The following CMSS1 variants were observed in gnomAD, a reference collection of about 807,000 sequenced individuals.
CMSS1 encodes protein CMSS1.
In CMSS1, 33 loss-of-function variants were observed where a neutral mutation model predicts 43.5. The ratio of observed to expected loss-of-function variants is 0.76; its 90% CI spans 0.57 to 1.01. The LOEUF (loss-of-function observed/expected upper bound fraction) is 1.01. CMSS1 is among the 50% of genes least tolerant of loss of function. The pLI, the probability that CMSS1 is intolerant of heterozygous loss-of-function variation, is 0.00. For synonymous variants in CMSS1, 115 were observed against 117.2 expected, an observed-to-expected ratio of 0.98 and a Z score of 0.12; for missense variants, 313 against 326.4, an observed-to-expected ratio of 0.96 and a Z score of 0.32.
At chr3:99,920,926 G>A (rs1025968347) in intron 1 of CMSS1, among the ~76,000 whole-genome samples, 1 of 152,136 alleles carries the variant, frequency 6.6e-6, no homozygotes, top group African/African-American at 2.4e-5. Context: ...CACTTAGAAT[G>A]TGAGCAGTAA....
At chr3:99,974,894 C>A (rs971124601) in intron 1 of CMSS1, among the ~76,000 whole-genome samples, 1 of 152,142 alleles carries the variant, frequency 6.6e-6, no homozygotes, top group Admixed American at 6.6e-5. Flanking sequence ...GTTTGCCATA[C>A]CAGGTGGATT....
At position 99,929,822 on chromosome 3, in the gene CMSS1, CCT is replaced by C. The variant is rs1360190263; in HGVS notation, c.64+111781_64+111782del. On this transcript the variant is annotated intron_variant, in intron 1 of 9. Coordinates refer to ENST00000421999, the MANE Select transcript of CMSS1 (RefSeq NM_032359.4). Reference sequence around the variant, plus strand: ...CATCTGCAGGGCTAGTGCTTGGCTGCCTCCCAGGTACACACCCCTATTGTGGT... The same window carrying C: ...CATCTGCAGGGCTAGTGCTTGGCTGCCCCAGGTACACACCCCTATTGTGGT... 9 of 1,526,252 alleles carry C rather than the reference CCT, an allele frequency of 5.9e-6. No homozygotes were observed. The African/African-American group carries it at 1.3e-4, about 21-fold the overall frequency. The allele number at this position is 1,526,252 out of a possible 1,614,324, so 94.5% of individuals were successfully genotyped here. A position where few individuals can be genotyped will look rare whatever the true frequency, so the allele number is the denominator to read the frequency against.
chr3:100,034,492 C>G lies in CMSS1; in HGVS notation c.65-112481C>G, dbSNP rs187450474. On this transcript the variant is annotated intron_variant, in intron 1 of 9. Coordinates refer to ENST00000421999, the MANE Select transcript of CMSS1 (RefSeq NM_032359.4). ...AACATTGGTTAAAAGGTAGCCACTT[C>G]GTTCCAGTAATCCAAAAGGTTCTTT... 8.5e-5 allele frequency among the ~76,000 whole-genome samples: 13 copies of G among 152,320 alleles called. No homozygotes were observed. In the East Asian group the frequency reaches 2.5e-3, roughly 29 times the overall value.
At position 99,931,006 on chromosome 3, in the gene CMSS1, G is replaced by T. The variant is rs1707465379; in HGVS notation, c.64+112963G>T. On this transcript the variant is annotated intron_variant, in intron 1 of 9. Transcript: ENST00000421999. ...TTTGGGCTGAGCCCTCGGTATCACT[G>T]CCTCTGGAACGCATTCTTTAAAGCC... 3.7e-6 allele frequency: 6 copies of T among 1,613,662 alleles called. No homozygotes were observed. The East Asian group carries it at 6.7e-5, about 18-fold the overall frequency.
intron 1 of CMSS1, among the ~76,000 whole-genome samples, chr3:100,096,182 C>T (rs2066204189): frequency 6.6e-6 from 1 of 152,096 alleles, no homozygotes; most frequent in African/African-American, 2.4e-5. Context: ...TTGGTACAAC[C>T]ACTGTGGACA....
chr3:100,014,891 C>CTTTTTT (rs1710284139), intron 1 of CMSS1, among the ~76,000 whole-genome samples: 2 of 27,224 alleles, frequency 7.3e-5, no homozygotes, highest in Non-Finnish European at 6.9e-5. Flanking sequence ...TTTTTTCTTT[C>CTTTTTT]TTTCTTTTTT....
chr3:99,953,807 C>T (rs1248642394), intron 1 of CMSS1, among the ~76,000 whole-genome samples: 1 of 152,172 alleles, frequency 6.6e-6, no homozygotes, highest in African/African-American at 2.4e-5. Flanking sequence ...AATTAGCTAG[C>T]TTATTCAGTT....
intron 2 of CMSS1, among the ~76,000 whole-genome samples, chr3:100,150,481 G>T (rs1206362822): frequency 6.6e-6 from 1 of 152,056 alleles, no homozygotes; most frequent in Admixed American, 6.6e-5. Context: ...ATACATTTAG[G>T]CTTTAATATC....
chr3:100,162,614 C>T (rs1315848216), intron 4 of CMSS1, among the ~76,000 whole-genome samples, 182 bp downstream of exon 4: 1 of 151,918 alleles, frequency 6.6e-6, no homozygotes, highest in Non-Finnish European at 1.5e-5. Flanking sequence ...TTGAAACCAG[C>T]CTGGGCGATA....
chr3:100,108,426 A>T (rs752989348), intron 1 of CMSS1, among the ~76,000 whole-genome samples: 2 of 152,150 alleles, frequency 1.3e-5, no homozygotes. Context: ...TCTGCATTTT[A>T]TGGCTGAGGA....
At chr3:99,821,037 T>A (rs529876477) in intron 1 of CMSS1, among the ~76,000 whole-genome samples, 2 of 152,250 alleles carry the variant, frequency 1.3e-5, no homozygotes, top group Non-Finnish European at 2.9e-5. Context: ...TGGTTGTACA[T>A]GGTTTATAAC....
chr3:99,930,022 TC>T (rs762286588), intron 1 of CMSS1: 11 of 1,605,476 alleles, frequency 6.9e-6, no homozygotes, highest in Admixed American at 1.7e-5. Context: ...TATGACCTCA[TC>T]TCGAGCCTGT....
chr3:99,889,617 C>T (rs1397165990), intron 1 of CMSS1, among the ~76,000 whole-genome samples: 1 of 151,458 alleles, frequency 6.6e-6, no homozygotes. Flanking sequence ...CCATTTGTAC[C>T]ACCTTTTTGT....
chr3:99,987,920 G>C (rs1709392971), intron 1 of CMSS1, among the ~76,000 whole-genome samples: 1 of 152,166 alleles, frequency 6.6e-6, no homozygotes, highest in African/African-American at 2.4e-5. Context: ...CTCTCATCCT[G>C]TTGGATTCTT....
chr3:99,893,044 C>G (rs1341215521), intron 1 of CMSS1, among the ~76,000 whole-genome samples: 8 of 151,988 alleles, frequency 5.3e-5, no homozygotes, highest in Non-Finnish European at 1.5e-5. Context: ...AAGATGCAAG[C>G]ATGATGCTCT....
At position 100,041,996 on chromosome 3, in the gene CMSS1, G is replaced by T. The variant is rs2065212724; in HGVS notation, c.65-104977G>T. Among the ~76,000 whole-genome samples, 3 of 152,142 alleles carry T rather than the reference G, an allele frequency of 2.0e-5. No individual in the cohort carries two copies. In the South Asian group the frequency reaches 6.2e-4, roughly 32 times the overall value. ...TTCCTTCCTCTTTCTTCAGCTATAT[G>T]ATCTGAGTCCCTTTTTATTTCATAT... is the stretch of plus-strand genomic sequence containing the variant. On this transcript the variant is annotated intron_variant, in intron 1 of 9. Coordinates refer to ENST00000421999, the MANE Select transcript of CMSS1 (RefSeq NM_032359.4).
At chr3:99,929,710 C>T in intron 1 of CMSS1, 1 of 549,116 alleles carries the variant, frequency 1.8e-6, no homozygotes, top group East Asian at 3.3e-5. Flanking sequence ...TCCTATTGAA[C>T]TTGTCGTATT....
chr3:99,963,722 T>G (rs556416870), intron 1 of CMSS1, among the ~76,000 whole-genome samples: 1 of 152,176 alleles, frequency 6.6e-6, no homozygotes, highest in East Asian at 1.9e-4. Context: ...GTTCGAGCAA[T>G]TCTCCTGTCT....
chr3:99,920,871 C>CG (rs1418225998), intron 1 of CMSS1, among the ~76,000 whole-genome samples: 1 of 152,186 alleles, frequency 6.6e-6, no homozygotes, highest in Non-Finnish European at 1.5e-5. Context: ...ACCTCAATCA[C>CG]GTAGTTCTTA....
Sources: allele counts gnomAD v4.1 joint callset (sites outside exome capture counted in the v4.1 genomes callset), GRCh38; gene constraint gnomAD v4.1.1; transcripts MANE v1.5; gene names NCBI Gene and HGNC (gene_info 2026-07-23, HGNC 2026-07-21).